Variants in LPAR1 observed in about 807,000 individuals in gnomAD.
LPAR1 encodes lysophosphatidic acid receptor 1, also known as LPA receptor 1.
Under a neutral mutation model 23.8 loss-of-function variants are expected in LPAR1, and 5 were observed. That is an observed-to-expected ratio of 0.21 (90% confidence interval 0.11 to 0.44). LPAR1 has a LOEUF of 0.44. LPAR1 is among the 20% of genes least tolerant of loss of function. The pLI is 0.99. For missense variants in LPAR1, 311 were observed against 482.8 expected (o/e 0.64, Z 3.33); for synonymous variants, 160 against 164.7 (o/e 0.97, Z 0.22).
chr9:111,005,546 CAAAAAAAAAAAAAA>C (rs60143050), intron 2 of LPAR1, among the ~76,000 whole-genome samples: 6 of 70,334 alleles, frequency 8.5e-5, no homozygotes, highest in African/African-American at 2.2e-4. Context: ...GACCCTGTCT[CAAAAAAAAAAAAAA>C]AAAAAAAAAA....
intron 5 of LPAR1, among the ~76,000 whole-genome samples, chr9:110,938,251 G>A (rs182132101): frequency 2.0e-5 from 3 of 152,302 alleles, no homozygotes; most frequent in Admixed American, 6.5e-5. Flanking sequence ...AAAATAACCA[G>A]ATTATCAATG....
intron 2 of LPAR1, among the ~76,000 whole-genome samples, chr9:111,029,033 T>C (rs2287005): frequency 0.048 from 7,301 of 152,274 alleles, 241 homozygotes; most frequent in South Asian, 0.093. Context: ...AGAGAAGCCA[T>C]AGTAAACGCT....
intron 5 of LPAR1, among the ~76,000 whole-genome samples, chr9:110,879,370 C>T (rs1217533271): frequency 7.2e-6 from 1 of 139,404 alleles, no homozygotes; most frequent in Non-Finnish European, 1.5e-5. Flanking sequence ...GTGAGCCAAG[C>T]TCACACCACC....
chr9:110,886,090 C>T (rs1253096020), intron 5 of LPAR1, among the ~76,000 whole-genome samples: 1 of 151,914 alleles, frequency 6.6e-6, no homozygotes, highest in Non-Finnish European at 1.5e-5. Context: ...CTCAGCCACT[C>T]CGGAGTCTAC....
intron 5 of LPAR1, among the ~76,000 whole-genome samples, chr9:110,881,230 G>C (rs757195082): frequency 2.0e-5 from 3 of 152,064 alleles, no homozygotes; most frequent in Non-Finnish European, 4.4e-5. Flanking sequence ...CCTGGTCACA[G>C]CACATGTTGC....
At chr9:110,953,991 G>T (rs1016842288) in intron 4 of LPAR1, among the ~76,000 whole-genome samples, 4 of 151,794 alleles carry the variant, frequency 2.6e-5, no homozygotes, top group Non-Finnish European at 4.4e-5. Flanking sequence ...CCAGGACAAA[G>T]AATTCAAAAT....
chr9:110,928,226 G>C (rs2094173043), intron 5 of LPAR1, among the ~76,000 whole-genome samples: 1 of 151,982 alleles, frequency 6.6e-6, no homozygotes, highest in Admixed American at 6.6e-5. Flanking sequence ...AATATTTTTT[G>C]TTTCTGCTTC....
rs3030187 is a variant in LPAR1 at position 111,021,963 on chromosome 9, CAAAAAAAAAAAAA to C, written c.-182+14146_-182+14158del. On this transcript the variant is annotated intron_variant, in intron 2 of 5. Transcript: ENST00000683809. The stretch of plus-strand genomic sequence containing the variant: ...TGGGTGACAGAGCGAGACTCCGTCA[CAAAAAAAAAAAAA>C]AAAAAAAAAAAAAGTCTCAAGAGAA... 5.7e-5 allele frequency among the ~76,000 whole-genome samples: 4 copies of C among 69,874 alleles called. 1 individual carries two copies. The highest frequency in any genetic ancestry group is 1.4e-3 in the South Asian group (2 of 1,396). The allele number at this position is 69,874 out of a possible 152,430, so 45.8% of individuals were successfully genotyped here. A position where few individuals can be genotyped will look rare whatever the true frequency, so the allele number is the denominator to read the frequency against.
chr9:110,919,523 C>T (rs750790164), intron 5 of LPAR1, among the ~76,000 whole-genome samples: 3 of 152,070 alleles, frequency 2.0e-5, no homozygotes, highest in South Asian at 2.1e-4. Context: ...TGACAATTTG[C>T]GATGTAGCAT....
chr9:110,971,029 G>A (rs1702795740), intron 4 of LPAR1, among the ~76,000 whole-genome samples: 1 of 152,120 alleles, frequency 6.6e-6, no homozygotes, highest in South Asian at 2.1e-4. Context: ...CAGCTACTCA[G>A]GAAGCTGAGA....
intron 5 of LPAR1, among the ~76,000 whole-genome samples, chr9:110,924,496 TTTC>T (rs1259548888): frequency 1.4e-5 from 2 of 141,898 alleles, no homozygotes; most frequent in South Asian, 2.3e-4. Context: ...TCTAAATGAT[TTTC>T]TTTTTTTTCC....
At chr9:110,979,700 T>C (rs1382530087) in intron 2 of LPAR1, among the ~76,000 whole-genome samples, 2 of 152,010 alleles carry the variant, frequency 1.3e-5, no homozygotes, top group African/African-American at 4.8e-5. Flanking sequence ...TAGAAGACAA[T>C]GAAGCAATGA....
chr9:110,968,607 G>A (rs948741311), intron 4 of LPAR1, among the ~76,000 whole-genome samples: 1 of 152,138 alleles, frequency 6.6e-6, no homozygotes, highest in East Asian at 1.9e-4. Flanking sequence ...TCCTCCCAGA[G>A]CACCCATACT....
chr9:110,955,927 A>C (rs1161010729), intron 4 of LPAR1, among the ~76,000 whole-genome samples: 3 of 152,154 alleles, frequency 2.0e-5, no homozygotes, highest in Admixed American at 2.0e-4. Flanking sequence ...AATTTATAGC[A>C]ATAAATTCCT....
Position 110,928,734 on chromosome 9 carries a change from T to C in LPAR1, c.793+12687A>G, listed in dbSNP as rs187313941. Among the ~76,000 whole-genome samples the C allele has an allele frequency of 7.2e-5, 11 of 152,240 alleles. No homozygotes were observed. In the East Asian group the frequency reaches 1.2e-3, roughly 16 times the overall value. ...CCTTTCCTCTCAGACTGGACCAATA[T>C]ACAAAGGAGTACCACGTGCTTGGCA... On this transcript the variant is annotated intron_variant, in intron 5 of 5. Coordinates refer to ENST00000683809, the MANE Select transcript of LPAR1 (RefSeq NM_001351411.2).
At chr9:111,035,229 A>ATT (rs34972202) in intron 2 of LPAR1, among the ~76,000 whole-genome samples, 65 of 149,320 alleles carry the variant, frequency 4.4e-4, no homozygotes, top group African/African-American at 1.5e-3. Flanking sequence ...TTTCCCTAAG[A>ATT]TTTTTTTTTT....
intron 2 of LPAR1, among the ~76,000 whole-genome samples, chr9:110,980,724 G>A (rs117099695): frequency 6.6e-6 from 1 of 151,956 alleles, no homozygotes; most frequent in East Asian, 1.9e-4. Context: ...TCTGAAGAGT[G>A]ACTTATAGCA....
chr9:110,983,530 C>T (rs751044382), intron 2 of LPAR1, among the ~76,000 whole-genome samples: 5 of 151,954 alleles, frequency 3.3e-5, no homozygotes, highest in African/African-American at 4.8e-5. Context: ...GTAATGGGTA[C>T]GGGGTTTCAG....
intron 2 of LPAR1, among the ~76,000 whole-genome samples, chr9:111,028,937 G>A (rs1048218684): frequency 4.6e-5 from 7 of 152,032 alleles, no homozygotes; most frequent in Admixed American, 3.9e-4. Context: ...GCTGGAATGG[G>A]GTGTTTCAGG....
Sources: gnomAD v4.1 joint callset for allele counts (sites outside exome capture counted in the v4.1 genomes callset) on GRCh38, gnomAD v4.1.1 for gene constraint, MANE v1.5 for transcripts, NCBI Gene and HGNC (gene_info 2026-07-23, HGNC 2026-07-21) for gene names.